Variants in TMEM154 observed in about 807,000 individuals in gnomAD.
TMEM154 encodes the protein transmembrane protein 154.
Under a neutral mutation model 24.5 loss-of-function variants are expected in TMEM154, and 27 were observed. That is an observed-to-expected ratio of 1.10 (90% CI 0.81 to 1.52). The LOEUF (loss-of-function observed/expected upper bound fraction) is 1.52. Among genes scored for constraint, TMEM154 ranks in the 40% most tolerant of loss-of-function variants. The pLI is 0.00. For synonymous variants in TMEM154, 67 were observed against 76.8 expected, an observed-to-expected ratio of 0.87 and a Z score of 0.67; for missense variants, 228 against 213.4, an observed-to-expected ratio of 1.07 and a Z score of -0.43.
intron 1 of TMEM154, among the ~76,000 whole-genome samples, chr4:152,678,520 C>T (rs989862682): frequency 3.2e-3 from 35 of 10,988 alleles, no homozygotes; most frequent in Admixed American, 0.017. Flanking sequence ...TGATTGGTTC[C>T]GGGGCGGCGG....
chr4:152,655,683 A>G (rs1728477151), intron 1 of TMEM154, among the ~76,000 whole-genome samples: 1 of 147,728 alleles, frequency 6.8e-6, no homozygotes. Context: ...CTCAAGGACA[A>G]ACTCCACTGT....
Position 152,652,607 on chromosome 4 carries a change from T to G in TMEM154, c.326-31A>C, listed in dbSNP as rs1452906647. ...TCAAAGCAAAGAATATTTTGTTTTA[T>G]TGATTGTTCACTAACACATGAAGCA... On this transcript the variant is annotated intron_variant, in intron 2 of 6. Transcript: ENST00000304385. The G allele has an allele frequency of 3.1e-6, 5 of 1,613,872 alleles. No homozygotes were observed. The African/African-American group carries it at 6.7e-5, about 22-fold the overall frequency.
intron 1 of TMEM154, among the ~76,000 whole-genome samples, chr4:152,653,725 T>G (rs1315062320): frequency 6.6e-6 from 1 of 151,850 alleles, no homozygotes; most frequent in African/African-American, 2.4e-5. Flanking sequence ...TACCTATCAA[T>G]GGAAAATAAT....
In TMEM154 at chr4:152,618,863, T is replaced by C. The variant is rs1751804981; in HGVS notation, c.*9683A>G. On this transcript the variant is annotated 3_prime_UTR_variant, in exon 7 of 7. Coordinates refer to ENST00000304385, the MANE Select transcript of TMEM154 (RefSeq NM_152680.3). ...AAGAATGACATCAGGATCCATTAGATGGAAAGTGAGGAAAATGCAATTAAA... is the reference window on the plus strand; with the variant it reads ...AAGAATGACATCAGGATCCATTAGACGGAAAGTGAGGAAAATGCAATTAAA... 1.3e-5 allele frequency: 2 copies of C among 152,114 alleles called. No homozygotes were observed. The highest frequency in any genetic ancestry group is 2.9e-5 in the Non-Finnish European group (2 of 68,032). 9.4% of individuals were successfully genotyped at this position (152,114 alleles called of 1,614,324 possible).
chr4:152,676,452 T>G (rs1728954450), intron 1 of TMEM154, among the ~76,000 whole-genome samples: 1 of 152,190 alleles, frequency 6.6e-6, no homozygotes, highest in African/African-American at 2.4e-5. Context: ...GATTCACTAA[T>G]TAGCTGTGTG....
At position 152,624,457 on chromosome 4, in the gene TMEM154, CAGTCCT is replaced by C. The variant is rs1751885645; in HGVS notation, c.*4083_*4088del. The C allele has an allele frequency of 6.6e-6, 1 of 151,928 alleles. No homozygotes were observed. Among genetic ancestry groups the C allele is most frequent in the Non-Finnish European group, 1.5e-5 (1 of 67,982 alleles). 9.4% of individuals were successfully genotyped at this position (151,928 alleles called of 1,614,324 possible). A position where few individuals can be genotyped will look rare whatever the true frequency, so the allele number is the denominator to read the frequency against. On this transcript the variant is annotated 3_prime_UTR_variant, in exon 7 of 7. Coordinates refer to ENST00000304385, the MANE Select transcript of TMEM154 (RefSeq NM_152680.3). ...TGTACAAAAGATACAAAAAATTAGC[CAGTCCT>C]AGTAGTGCACACCAGTAGTCCCAGC...
At chr4:152,646,990 G>A (rs185528492) in intron 3 of TMEM154, 2 of 710,520 alleles carry the variant, frequency 2.8e-6, no homozygotes, top group African/African-American at 3.5e-5. Flanking sequence ...CATACCAGGA[G>A]GTCTAGGAAG....
At chr4:152,659,379 T>C (rs1728551473) in intron 1 of TMEM154, among the ~76,000 whole-genome samples, 1 of 151,658 alleles carries the variant, frequency 6.6e-6, no homozygotes, top group Non-Finnish European at 1.5e-5. Context: ...TGGGTAAGAG[T>C]AGGGGAAGAA....
intron 1 of TMEM154, among the ~76,000 whole-genome samples, chr4:152,672,617 C>G (rs1728870665): frequency 6.6e-6 from 1 of 152,136 alleles, no homozygotes; most frequent in Admixed American, 6.5e-5. Flanking sequence ...ATGTGAGAAA[C>G]TGAGAGTGTA....
intron 6 of TMEM154, 45 bp downstream of exon 6, chr4:152,640,883 G>GCCCCCC: frequency 1.6e-6 from 1 of 609,638 alleles, no homozygotes; most frequent in Non-Finnish European, 3.0e-6. Flanking sequence ...CAATCCCCCC[G>GCCCCCC]CCCCCCGCCA....
rs1040055170 is a variant in TMEM154, at chr4:152,671,037, G to A, written c.64+8833C>T. On this transcript the variant is annotated intron_variant, in intron 1 of 6. Coordinates refer to ENST00000304385, the MANE Select transcript of TMEM154 (RefSeq NM_152680.3). ...TACATGGGAGAGGAAGACATTCATTGCATTCGGGGCTAAGGGGTACTCAGG... is the reference window on the plus strand; with the variant it reads ...TACATGGGAGAGGAAGACATTCATTACATTCGGGGCTAAGGGGTACTCAGG... 6.6e-5 allele frequency among the ~76,000 whole-genome samples: 10 copies of A among 152,280 alleles called. No individual in the cohort carries two copies. The East Asian group carries it at 1.9e-3, about 29-fold the overall frequency.
rs192844024 is a variant in TMEM154, at chr4:152,662,645, G to A, written c.65-9718C>T. Among the ~76,000 whole-genome samples the A allele has an allele frequency of 5.5e-3, 834 of 152,258 alleles. 10 individuals carry two copies. The highest frequency in any genetic ancestry group is 0.019 in the African/African-American group (810 of 41,556). On this transcript the variant is annotated intron_variant, in intron 1 of 6. Coordinates refer to ENST00000304385, the MANE Select transcript of TMEM154 (RefSeq NM_152680.3). The stretch of plus-strand genomic sequence containing the variant: ...GACAGGTGTCCCTCCCATGGCCTAT[G>A]GGTTAACAGCCACTCTTAATGCAGT...
rs1344105880 is a variant in TMEM154, at chr4:152,640,862, A to C, written c.536+66T>G. 9 of 1,378,594 alleles carry C rather than the reference A, an allele frequency of 6.5e-6. No individual in the cohort carries two copies. The East Asian group carries it at 1.6e-4, about 25-fold the overall frequency. The allele number at this position is 1,378,594 out of a possible 1,614,324, so 85.4% of individuals were successfully genotyped here. ...GGAGGAGGTAAGCAAAAAGTGTTCC[A>C]CCCTGGTTCCCAATCCCCCCGCCCC... On this transcript the variant is annotated intron_variant, in intron 6 of 6. Coordinates refer to ENST00000304385, the MANE Select transcript of TMEM154 (RefSeq NM_152680.3).
intron 3 of TMEM154, among the ~76,000 whole-genome samples, chr4:152,649,403 A>C (rs1473629638): frequency 1.3e-5 from 2 of 152,228 alleles, no homozygotes; most frequent in Non-Finnish European, 2.9e-5. Context: ...ATCACAACTG[A>C]ATACTCTCAA....
intron 1 of TMEM154, among the ~76,000 whole-genome samples, chr4:152,678,723 A>C (rs1729002364): frequency 6.6e-6 from 1 of 152,206 alleles, no homozygotes; most frequent in Admixed American, 6.5e-5. Flanking sequence ...ACTGGGCATA[A>C]AACAACACAT....
At chr4:152,665,507 AAG>A (rs1728701352) in intron 1 of TMEM154, among the ~76,000 whole-genome samples, 1 of 152,208 alleles carries the variant, frequency 6.6e-6, no homozygotes, top group Non-Finnish European at 1.5e-5. Context: ...AAGAACCTGG[AAG>A]AGTCTAGCTA....
At chr4:152,655,631 C>T (rs571612023) in intron 1 of TMEM154, among the ~76,000 whole-genome samples, 28 of 150,466 alleles carry the variant, frequency 1.9e-4, no homozygotes, top group African/African-American at 6.3e-4. Context: ...CCCCTCCCCC[C>T]ACCCCTGGCC....
intron 6 of TMEM154, among the ~76,000 whole-genome samples, chr4:152,634,066 A>G (rs1752102844): frequency 6.7e-6 from 1 of 149,882 alleles, no homozygotes; most frequent in Non-Finnish European, 1.5e-5. Context: ...AAGAAAGTGG[A>G]ACACCTTTCC....
chr4:152,645,728 G>C (rs1342418467), intron 3 of TMEM154, among the ~76,000 whole-genome samples: 1 of 152,174 alleles, frequency 6.6e-6, no homozygotes, highest in African/African-American at 2.4e-5. Flanking sequence ...TGAGTTCCTG[G>C]CAGCAGTGAG....
Sources: allele counts gnomAD v4.1 joint callset (sites outside exome capture counted in the v4.1 genomes callset), GRCh38; gene constraint gnomAD v4.1.1; transcripts MANE v1.5; gene names NCBI Gene and HGNC (gene_info 2026-07-23, HGNC 2026-07-21).